Variants in VPS53 observed in about 807,000 individuals in gnomAD.
VPS53 encodes the protein VPS53 subunit of GARP complex, also known as vacuolar protein sorting-associated protein 53 homolog.
In VPS53, 70 loss-of-function variants were observed where a neutral mutation model predicts 107.0. The ratio of observed to expected loss-of-function variants is 0.65; its 90% confidence interval spans 0.54 to 0.80. VPS53 has a LOEUF of 0.80. Among genes scored for constraint, VPS53 ranks in the 30% least tolerant of loss-of-function variants. The pLI is 0.00. For missense variants in VPS53, 917 were observed against 1,049.4 expected (o/e 0.87, Z 1.74); for synonymous variants, 409 against 393.3 (o/e 1.04, Z -0.47).
intron 7 of VPS53, among the ~76,000 whole-genome samples, chr17:646,033 C>T (rs953778402): frequency 7.6e-5 from 10 of 132,128 alleles, no homozygotes; most frequent in African/African-American, 2.4e-4. Context: ...CTCCCACACA[C>T]ATCTCGGTGA....
At chr17:687,574 C>CA (rs1051720595) in intron 4 of VPS53, among the ~76,000 whole-genome samples, 1,416 of 89,316 alleles carry the variant, frequency 0.016, 25 homozygotes, top group African/African-American at 0.047. Flanking sequence ...GACTCAGTCT[C>CA]AAAAAAAAAA....
chr17:592,070 G>A (rs1185170669), intron 12 of VPS53, among the ~76,000 whole-genome samples: 3 of 152,126 alleles, frequency 2.0e-5, no homozygotes, highest in Non-Finnish European at 4.4e-5. Flanking sequence ...ATGAATCTGG[G>A]TGCTCCTGTA....
intron 4 of VPS53, among the ~76,000 whole-genome samples, chr17:691,678 T>C (rs1370157632): frequency 6.6e-6 from 1 of 152,192 alleles, no homozygotes; most frequent in African/African-American, 2.4e-5. Context: ...CCCAATTCTG[T>C]CCTGACCAGG....
intron 12 of VPS53, among the ~76,000 whole-genome samples, chr17:592,957 T>A (rs1668728470): frequency 6.6e-6 from 1 of 152,220 alleles, no homozygotes; most frequent in Admixed American, 6.5e-5. Flanking sequence ...GGGGAAGTTC[T>A]CCTGGATAGA....
intron 17 of VPS53, among the ~76,000 whole-genome samples, chr17:540,733 G>A (rs1294571686): frequency 1.3e-5 from 2 of 152,166 alleles, no homozygotes; most frequent in Non-Finnish European, 2.9e-5. Context: ...CTATCTAAAT[G>A]AGACACAGTT....
At chr17:713,066 A>G (rs897224197) in intron 1 of VPS53, among the ~76,000 whole-genome samples, 2 of 152,078 alleles carry the variant, frequency 1.3e-5, no homozygotes, top group East Asian at 1.9e-4. Context: ...CGAAGCGTCA[A>G]TGAATGCACC....
chr17:683,988 G>A (rs1972495187), intron 4 of VPS53, among the ~76,000 whole-genome samples: 1 of 152,214 alleles, frequency 6.6e-6, no homozygotes, highest in South Asian at 2.1e-4. Context: ...AATGCAGAGA[G>A]GATGTGAGGA....
In VPS53 at chr17:661,860, G is replaced by C; in HGVS notation, c.321C>G (p.Leu107=). 1.3e-6 allele frequency: 2 copies of C among 1,552,306 alleles called. No individual in the cohort carries two copies. Among genetic ancestry groups the C allele is most frequent in the Middle Eastern group, 3.3e-4 (2 of 5,998 alleles). ...LEEAQKAIQQ[L]FGKIKDIKDK... ...CTTTGATATCTTTGATTTTGCCAAAGAGTTGTTGGATAGCTTTCTGAGCCT... is the reference window on the plus strand; with the variant it reads ...CTTTGATATCTTTGATTTTGCCAAACAGTTGTTGGATAGCTTTCTGAGCCT... Residue 107 remains leucine, a synonymous_variant, in exon 5 of 22, where the codon CTC becomes CTG. Transcript: ENST00000437048.
chr17:627,329 G>C lies in VPS53; in HGVS notation c.832-13C>G. On this transcript the variant is annotated splice_polypyrimidine_tract_variant and intron_variant, in intron 9 of 21. Transcript: ENST00000437048. ...CCAGCCAGGCAACCTGGTGAAGGTG[G>C]AGATCAAAAGCCACCCCAGTGGTTA... 1 of 1,610,584 alleles carries C rather than the reference G, an allele frequency of 6.2e-7. No homozygotes were observed. Among genetic ancestry groups the C allele is most frequent in the Non-Finnish European group, 8.5e-7 (1 of 1,178,518 alleles).
At chr17:626,116 G>A (rs2143059741) in intron 10 of VPS53, among the ~76,000 whole-genome samples, 1 of 152,158 alleles carries the variant, frequency 6.6e-6, no homozygotes, top group African/African-American at 2.4e-5. Flanking sequence ...GGCTGAGGTG[G>A]GAGAATCACT....
intron 13 of VPS53, among the ~76,000 whole-genome samples, chr17:568,448 T>C (rs569340223): frequency 2.0e-5 from 3 of 151,912 alleles, no homozygotes; most frequent in South Asian, 2.1e-4. Flanking sequence ...GGTTTTGTCA[T>C]GTCACCCAGG....
rs1229687890 is a variant in VPS53 at position 623,514 on chromosome 17, T to G, written c.1116+19A>C. On this transcript the variant is annotated intron_variant, in intron 11 of 21. Transcript: ENST00000437048. ...CAACCCACTGATTTCACGTGGCAGC[T>G]CCCTAGGGAAGGTCTTACCAGGGTC... The G allele has an allele frequency of 6.3e-7, 1 of 1,599,144 alleles. No homozygotes were observed. Among genetic ancestry groups the G allele is most frequent in the East Asian group, 2.2e-5 (1 of 44,638 alleles).
intron 11 of VPS53, among the ~76,000 whole-genome samples, chr17:607,859 C>G (rs1227682097): frequency 2.0e-5 from 3 of 152,094 alleles, no homozygotes; most frequent in African/African-American, 7.2e-5. Flanking sequence ...GTCAGGCTGT[C>G]TAATTCACTG....
At chr17:528,731 T>C (rs1288735457) in intron 19 of VPS53, among the ~76,000 whole-genome samples, 1 of 151,984 alleles carries the variant, frequency 6.6e-6, no homozygotes, top group Non-Finnish European at 1.5e-5. Flanking sequence ...CCCGAGTAGC[T>C]GGAGTTACAG....
At chr17:551,808 G>A in intron 17 of VPS53, 64 bp downstream of exon 17, 3 of 1,405,900 alleles carry the variant, frequency 2.1e-6, no homozygotes, top group Non-Finnish European at 2.9e-6. Flanking sequence ...ACAGACAAGG[G>A]CCAGTAGAAG....
chr17:587,911 G>A (rs865826419), intron 12 of VPS53, among the ~76,000 whole-genome samples: 3 of 152,114 alleles, frequency 2.0e-5, no homozygotes, highest in African/African-American at 4.8e-5. Flanking sequence ...ATCTTGATGC[G>A]TTTGAGGATA....
At chr17:704,228 C>T (rs1973318812) in intron 2 of VPS53, among the ~76,000 whole-genome samples, 1 of 152,204 alleles carries the variant, frequency 6.6e-6, no homozygotes, top group African/African-American at 2.4e-5. Context: ...TATTTAAACC[C>T]CACAGGCACT....
intron 17 of VPS53, among the ~76,000 whole-genome samples, chr17:545,328 C>T (rs183614922): frequency 4.4e-4 from 67 of 152,276 alleles, no homozygotes; most frequent in Admixed American, 1.2e-3. Flanking sequence ...GCCACACCCC[C>T]GCGGGCTCGT....
chr17:573,673 G>A (rs1378551256), intron 13 of VPS53, among the ~76,000 whole-genome samples: 1 of 152,128 alleles, frequency 6.6e-6, no homozygotes, highest in Non-Finnish European at 1.5e-5. Context: ...AGTCCATGAG[G>A]TCGGCCTTAT....
Sources: gnomAD v4.1 joint callset for allele counts (sites outside exome capture counted in the v4.1 genomes callset) on GRCh38, gnomAD v4.1.1 for gene constraint, MANE v1.5 for transcripts, NCBI Gene and HGNC (gene_info 2026-07-23, HGNC 2026-07-21) for gene names.